The following GMDS variants were observed in gnomAD, a reference collection of about 807,000 sequenced individuals.
GMDS encodes the protein GDP-mannose 4,6 dehydratase.
A neutral mutation model predicts 49.9 loss-of-function variants in GMDS; 20 were observed. The observed-to-expected ratio is 0.40, with a 90% CI of 0.28 to 0.58. GMDS has a LOEUF of 0.58. Ranked by LOEUF, GMDS falls within the 20% of genes least tolerant of loss-of-function variation. The pLI is 0.42. For missense variants in GMDS, 362 were observed against 481.4 expected (o/e 0.75, Z 2.32); for synonymous variants, 177 against 178.6 (o/e 0.99, Z 0.07).
chr6:1,754,472 C>A (rs143442622), intron 7 of GMDS, among the ~76,000 whole-genome samples: 3,735 of 152,248 alleles, frequency 0.025, 150 homozygotes, highest in Admixed American at 0.084. Flanking sequence ...TGGTACCATT[C>A]CTTCTGAAAC....
At chr6:2,033,234 A>G (rs1423864184) in intron 4 of GMDS, among the ~76,000 whole-genome samples, 1 of 152,218 alleles carries the variant, frequency 6.6e-6, no homozygotes, top group Non-Finnish European at 1.5e-5. Context: ...CCAATGCATA[A>G]TAATTGCTGA....
chr6:2,238,084 T>C (rs991823384), intron 1 of GMDS, among the ~76,000 whole-genome samples: 2 of 152,000 alleles, frequency 1.3e-5, no homozygotes, highest in Non-Finnish European at 2.9e-5. Flanking sequence ...TGAGCACTTT[T>C]AAGTCATTTT....
chr6:1,957,093 G>A (rs969079525), intron 6 of GMDS, among the ~76,000 whole-genome samples: 4 of 152,194 alleles, frequency 2.6e-5, no homozygotes, highest in East Asian at 1.9e-4. Context: ...ATGAGCCATC[G>A]CGCCCGGCCC....
chr6:2,034,161 C>A (rs992281259), intron 4 of GMDS, among the ~76,000 whole-genome samples: 2 of 152,130 alleles, frequency 1.3e-5, no homozygotes, highest in South Asian at 2.1e-4. Context: ...TCTTCTATAA[C>A]AGGGGTCAGT....
chr6:2,109,672 A>C (rs1489752122), intron 4 of GMDS, among the ~76,000 whole-genome samples: 1 of 152,090 alleles, frequency 6.6e-6, no homozygotes, highest in African/African-American at 2.4e-5. Flanking sequence ...TGATTTGATA[A>C]CCTTGCCTGG....
intron 9 of GMDS, among the ~76,000 whole-genome samples, chr6:1,664,649 A>G (rs1054722971): frequency 6.6e-6 from 1 of 152,212 alleles, no homozygotes; most frequent in African/African-American, 2.4e-5. Flanking sequence ...ACTCTGTCAC[A>G]TTGACATGTT....
chr6:1,656,935 C>T (rs1763902656), intron 9 of GMDS, among the ~76,000 whole-genome samples: 1 of 152,084 alleles, frequency 6.6e-6, no homozygotes, highest in South Asian at 2.1e-4. Context: ...CTTCACTAGC[C>T]ACAAGGAAAG....
chr6:2,107,657 A>G (rs564364692), intron 4 of GMDS, among the ~76,000 whole-genome samples: 480 of 152,358 alleles, frequency 3.2e-3, no homozygotes, highest in Non-Finnish European at 5.7e-3. Flanking sequence ...CTTGTAGAAC[A>G]AAAACAAACA....
chr6:1,878,489 A>G (rs919361026), intron 7 of GMDS, among the ~76,000 whole-genome samples: 5 of 152,184 alleles, frequency 3.3e-5, no homozygotes, highest in African/African-American at 4.8e-5. Flanking sequence ...GGATGTGCCC[A>G]AAGTGTACAG....
intron 8 of GMDS, among the ~76,000 whole-genome samples, chr6:1,729,267 C>G (rs1451807824): frequency 6.6e-6 from 1 of 152,216 alleles, no homozygotes; most frequent in Non-Finnish European, 1.5e-5. Flanking sequence ...TTATTAAATA[C>G]AGCCTGAAAG....
chr6:1,850,723 T>C (rs1043777829), intron 7 of GMDS, among the ~76,000 whole-genome samples: 2 of 152,234 alleles, frequency 1.3e-5, no homozygotes, highest in Non-Finnish European at 2.9e-5. Flanking sequence ...TCACTCAATT[T>C]ATCCGGCGAT....
chr6:1,943,119 C>G (rs1460560579), intron 6 of GMDS, among the ~76,000 whole-genome samples: 1 of 152,234 alleles, frequency 6.6e-6, no homozygotes, highest in Non-Finnish European at 1.5e-5. Context: ...TCCTCCTGCC[C>G]TGTCCCCCTC....
intron 9 of GMDS, among the ~76,000 whole-genome samples, chr6:1,648,008 C>A (rs1396007502): frequency 6.6e-6 from 1 of 152,256 alleles, no homozygotes; most frequent in Middle Eastern, 3.4e-3. Context: ...AGGGGCTTCT[C>A]GACGGTAAAG....
rs568816239 is a variant in GMDS at position 2,047,790 on chromosome 6, G to A, written c.345+67981C>T. 5.3e-5 allele frequency among the ~76,000 whole-genome samples: 8 copies of A among 152,168 alleles called. No homozygotes were observed. The Middle Eastern group carries it at 0.01, about 194-fold the overall frequency. On this transcript the variant is annotated intron_variant, in intron 4 of 10. Coordinates refer to ENST00000380815, the MANE Select transcript of GMDS (RefSeq NM_001500.4). ...AGGCATGAGCCACTGCACTCAGCCC[G>A]TTCACACAATTTTTAAGCATAAAAT...
intron 7 of GMDS, among the ~76,000 whole-genome samples, chr6:1,909,859 C>T (rs1760961202): frequency 6.6e-6 from 1 of 152,140 alleles, no homozygotes; most frequent in African/African-American, 2.4e-5. Flanking sequence ...CTCACCGCTG[C>T]CCCTCTTCAG....
At chr6:1,646,180 C>T (rs908025267) in intron 9 of GMDS, among the ~76,000 whole-genome samples, 1 of 152,184 alleles carries the variant, frequency 6.6e-6, no homozygotes, top group East Asian at 1.9e-4. Context: ...TCTATTTTGC[C>T]ACTTCCAGTA....
intron 7 of GMDS, among the ~76,000 whole-genome samples, chr6:1,790,633 T>C (rs990039779): frequency 1.3e-5 from 2 of 152,238 alleles, no homozygotes; most frequent in African/African-American, 2.4e-5. Flanking sequence ...TTATATATAG[T>C]ATATATCGTT....
Position 1,833,462 on chromosome 6 carries a change from T to A in GMDS, c.772-90876A>T, listed in dbSNP as rs933611105. The stretch of plus-strand genomic sequence containing the variant: ...GGAGGACGCTGTAATAAAAACTTTA[T>A]AAGGTGAAATCTAAATCCTGAATGC... On this transcript the variant is annotated intron_variant, in intron 7 of 10. Transcript: ENST00000380815. The surrounding 1 kb of genome is among the most constrained non-coding windows in gnomAD (Gnocchi z 4.4). Among the ~76,000 whole-genome samples, 1 of 152,078 alleles carries A rather than the reference T, an allele frequency of 6.6e-6. No homozygotes were observed. Among genetic ancestry groups the A allele is most frequent in the Non-Finnish European group, 1.5e-5 (1 of 68,016 alleles).
intron 9 of GMDS, among the ~76,000 whole-genome samples, chr6:1,627,105 A>C (rs1581384933): frequency 6.6e-6 from 1 of 152,372 alleles, no homozygotes; most frequent in Non-Finnish European, 1.5e-5. Context: ...TCTCTATGCC[A>C]GCTGTTCCTA....
Sources: gnomAD v4.1 joint callset for allele counts (sites outside exome capture counted in the v4.1 genomes callset) on GRCh38, gnomAD v4.1.1 for gene constraint, Gnocchi (gnomAD v3.1) non-coding constraint, MANE v1.5 for transcripts, NCBI Gene and HGNC (gene_info 2026-07-23, HGNC 2026-07-21) for gene names.